The following PTPRD variants were observed in gnomAD, a reference collection of about 807,000 sequenced individuals.
PTPRD encodes receptor-type tyrosine-protein phosphatase delta.
A neutral mutation model predicts 214.5 loss-of-function variants in PTPRD; 34 were observed. The observed-to-expected ratio is 0.16, with a 90% CI of 0.12 to 0.21. PTPRD has a LOEUF of 0.21. Among genes scored for constraint, PTPRD ranks in the 10% least tolerant of loss-of-function variants. The pLI is 1.00. For synonymous variants in PTPRD, 1,128 were observed against 845.7 expected (o/e 1.33, Z -5.79); for missense variants, 2,545 against 2,398.7 (o/e 1.06, Z -1.27).
At chr9:10,077,578 G>T (rs1418924944) in intron 3 of PTPRD, among the ~76,000 whole-genome samples, 2 of 152,096 alleles carry the variant, frequency 1.3e-5, no homozygotes, top group African/African-American at 2.4e-5. Flanking sequence ...TTGGTGTACA[G>T]ATTATTTTGC....
chr9:8,636,597 C>G (rs1387265990), intron 13 of PTPRD, 102 bp downstream of exon 13: 5 of 1,391,264 alleles, frequency 3.6e-6, no homozygotes, highest in Non-Finnish European at 5.0e-6. Context: ...TACCATATAT[C>G]AGTGACACCT....
intron 12 of PTPRD, among the ~76,000 whole-genome samples, chr9:8,723,397 G>A (rs2098523177): frequency 1.3e-5 from 2 of 151,804 alleles, no homozygotes; most frequent in Non-Finnish European, 2.9e-5. Flanking sequence ...GCTGTTTTAC[G>A]ATCTTTGCAG....
intron 4 of PTPRD, among the ~76,000 whole-genome samples, chr9:10,013,211 C>A (rs1240528366): frequency 6.6e-6 from 1 of 151,758 alleles, no homozygotes; most frequent in Non-Finnish European, 1.5e-5. Flanking sequence ...TTTTCAGTGA[C>A]TTTTACAAGG....
At chr9:10,173,475 C>A (rs2099224911) in intron 3 of PTPRD, among the ~76,000 whole-genome samples, 1 of 152,080 alleles carries the variant, frequency 6.6e-6, no homozygotes, top group Non-Finnish European at 1.5e-5. Context: ...ATGATCTCAT[C>A]AAAACTGAAG....
At chr9:8,681,040 T>A (rs1418568718) in intron 12 of PTPRD, among the ~76,000 whole-genome samples, 1 of 152,108 alleles carries the variant, frequency 6.6e-6, no homozygotes, top group Non-Finnish European at 1.5e-5. Context: ...GTATTCCTCC[T>A]CTCCCTTCCT....
At chr9:9,829,960 G>C (rs2054263734) in intron 5 of PTPRD, among the ~76,000 whole-genome samples, 1 of 151,700 alleles carries the variant, frequency 6.6e-6, no homozygotes, top group Non-Finnish European at 1.5e-5. Context: ...TTACAATAGA[G>C]TAGACTTTCT....
At chr9:8,667,154 C>T (rs769096174) in intron 12 of PTPRD, among the ~76,000 whole-genome samples, 13 of 152,092 alleles carry the variant, frequency 8.5e-5, no homozygotes, top group Non-Finnish European at 1.6e-4. Context: ...GCCTGGCCAA[C>T]ATGGCGAAAC....
At chr9:9,826,242 C>A (rs879583935) in intron 5 of PTPRD, among the ~76,000 whole-genome samples, 2 of 151,412 alleles carry the variant, frequency 1.3e-5, no homozygotes, top group African/African-American at 4.8e-5. Flanking sequence ...TATTTGTTTG[C>A]TCTTATCTTC....
chr9:10,482,427 T>C (rs1418115851), intron 2 of PTPRD, among the ~76,000 whole-genome samples: 1 of 151,764 alleles, frequency 6.6e-6, no homozygotes, highest in Non-Finnish European at 1.5e-5. Context: ...ATTATAACAA[T>C]AATTAGGCAA....
At chr9:9,000,353 T>G (rs923077835) in intron 11 of PTPRD, among the ~76,000 whole-genome samples, 1 of 151,942 alleles carries the variant, frequency 6.6e-6, no homozygotes, top group Admixed American at 6.6e-5. Context: ...TCTTTCAATG[T>G]GCAATAGGGG....
chr9:9,720,519 A>G (rs2097916602), intron 7 of PTPRD, among the ~76,000 whole-genome samples: 1 of 152,228 alleles, frequency 6.6e-6, no homozygotes, highest in Admixed American at 6.5e-5. Context: ...CAGGGTAGTA[A>G]ACATATATAG....
chr9:8,339,634 G>A (rs1418275071), intron 42 of PTPRD, among the ~76,000 whole-genome samples: 1 of 151,920 alleles, frequency 6.6e-6, no homozygotes, highest in Admixed American at 6.6e-5. Flanking sequence ...TTCTCTCCGG[G>A]GGCTCTACAA....
chr9:9,198,949 G>A (rs939662837), intron 9 of PTPRD, among the ~76,000 whole-genome samples: 1 of 152,238 alleles, frequency 6.6e-6, no homozygotes, highest in Admixed American at 6.5e-5. Context: ...AGCAACTTGG[G>A]TGACTTTTCA....
chr9:8,363,135 C>G (rs2078922743), intron 39 of PTPRD, among the ~76,000 whole-genome samples: 1 of 152,184 alleles, frequency 6.6e-6, no homozygotes, highest in African/African-American at 2.4e-5. Flanking sequence ...AAAAATCCAA[C>G]AACCCTAGCT....
intron 11 of PTPRD, among the ~76,000 whole-genome samples, chr9:8,820,464 ATTAG>A (rs1332506526): frequency 6.6e-6 from 1 of 152,166 alleles, no homozygotes; most frequent in Non-Finnish European, 1.5e-5. Flanking sequence ...GATCATATTC[ATTAG>A]TTAATTATAA....
intron 9 of PTPRD, among the ~76,000 whole-genome samples, chr9:9,363,656 T>C (rs991555731): frequency 3.3e-5 from 5 of 151,402 alleles, no homozygotes; most frequent in East Asian, 2.0e-4. Context: ...TCTTGGCACA[T>C]AGGCAGTGTG....
At chr9:8,879,619 A>G (rs1455237570) in intron 11 of PTPRD, among the ~76,000 whole-genome samples, 1 of 152,210 alleles carries the variant, frequency 6.6e-6, no homozygotes, top group Non-Finnish European at 1.5e-5. Context: ...TTATAGATTT[A>G]TCAAAATATC....
chr9:8,677,867 G>A (rs1344038107), intron 12 of PTPRD, among the ~76,000 whole-genome samples: 1 of 152,124 alleles, frequency 6.6e-6, no homozygotes, highest in Non-Finnish European at 1.5e-5. Context: ...TTAGTTCTAA[G>A]ATTGATGAAT....
At chr9:10,482,839 A>G (rs1016500463) in intron 2 of PTPRD, among the ~76,000 whole-genome samples, 1 of 152,230 alleles carries the variant, frequency 6.6e-6, no homozygotes, top group Non-Finnish European at 1.5e-5. Flanking sequence ...AAGAATCAAT[A>G]TTGTGGAAAT....
Sources: allele counts gnomAD v4.1 joint callset (sites outside exome capture counted in the v4.1 genomes callset), GRCh38; gene constraint gnomAD v4.1.1; transcripts MANE v1.5; gene names NCBI Gene and HGNC (gene_info 2026-07-23, HGNC 2026-07-21).